SPSB4: variants seen among roughly 807,000 people sequenced by gnomAD.
The protein encoded by SPSB4 is SPRY domain-containing SOCS box protein 4.
SPSB4 carries 21 observed loss-of-function variants against 20.9 expected under a neutral mutation model. The observed-to-expected ratio is 1.01, with a 90% CI of 0.71 to 1.45. The LOEUF is 1.45. SPSB4 is among the 40% of genes most tolerant of loss of function. SPSB4 has a pLI of 0.00. For synonymous variants in SPSB4, 207 were observed against 183.8 expected (o/e 1.13, Z -1.02); for missense variants, 399 against 399.2 (o/e 1.00, Z 0.00).
At chr3:141,071,314 G>A (rs754770687) in intron 2 of SPSB4, among the ~76,000 whole-genome samples, 9 of 152,096 alleles carry the variant, frequency 5.9e-5, no homozygotes, top group Admixed American at 3.3e-4. Context: ...CTCACATCTC[G>A]GAGTTCTTGG....
chr3:141,146,796 T>A (rs1281851584), intron 2 of SPSB4, among the ~76,000 whole-genome samples: 2 of 150,866 alleles, frequency 1.3e-5, no homozygotes, highest in Non-Finnish European at 3.0e-5. Context: ...AAAGACACGC[T>A]GAACACCTAC....
At chr3:141,112,008 G>C (rs970553836) in intron 2 of SPSB4, among the ~76,000 whole-genome samples, 3 of 152,124 alleles carry the variant, frequency 2.0e-5, no homozygotes, top group Non-Finnish European at 2.9e-5. Flanking sequence ...TTTGGCAAAG[G>C]GTTCTGCTGT....
intron 2 of SPSB4, among the ~76,000 whole-genome samples, chr3:141,112,644 CAAAAAAAAAAAAA>C (rs60396514): frequency 7.6e-4 from 25 of 32,884 alleles, no homozygotes; most frequent in African/African-American, 2.5e-3. Context: ...GACTCCGTCT[CAAAAAAAAAAAAA>C]AAAAAAAAAA....
At chr3:141,104,160 C>T (rs1938653473) in intron 2 of SPSB4, among the ~76,000 whole-genome samples, 1 of 152,058 alleles carries the variant, frequency 6.6e-6, no homozygotes. Context: ...CCTGCAGGTC[C>T]CTGCGGGTGC....
chr3:141,125,334 C>T (rs149525482), intron 2 of SPSB4, among the ~76,000 whole-genome samples: 80 of 152,288 alleles, frequency 5.3e-4, no homozygotes, highest in African/African-American at 1.8e-3. Flanking sequence ...TTCACCCATG[C>T]GCTCACCAGC....
At chr3:141,083,418 G>T (rs1292806253) in intron 2 of SPSB4, among the ~76,000 whole-genome samples, 2 of 152,180 alleles carry the variant, frequency 1.3e-5, no homozygotes, top group Non-Finnish European at 2.9e-5. Flanking sequence ...TCCAGCAGAA[G>T]ATATGAGAAA....
chr3:141,124,608 A>G (rs1939022183), intron 2 of SPSB4, among the ~76,000 whole-genome samples: 1 of 152,140 alleles, frequency 6.6e-6, no homozygotes, highest in Admixed American at 6.5e-5. Context: ...AAAGGATGGG[A>G]CAAAGAGATG....
At chr3:141,097,409 TTTTG>T (rs539056524) in intron 2 of SPSB4, among the ~76,000 whole-genome samples, 1 of 152,140 alleles carries the variant, frequency 6.6e-6, no homozygotes, top group Non-Finnish European at 1.5e-5. Context: ...CATATTCTGT[TTTTG>T]TTTGTTTGTT....
Position 141,095,761 on chromosome 3 carries a change from G to A in SPSB4, c.694+28963G>A, listed in dbSNP as rs988336041. Among the ~76,000 whole-genome samples the A allele has an allele frequency of 3.3e-5, 5 of 152,142 alleles. No homozygotes were observed. The Middle Eastern group carries it at 9.6e-3, about 291-fold the overall frequency. Reference sequence around the variant, plus strand: ...GGGTGGAGCTGGCACTGTGGGCAGAGGTACTGTCCCAGGATGAGGGAGGCC... The same window carrying A: ...GGGTGGAGCTGGCACTGTGGGCAGAAGTACTGTCCCAGGATGAGGGAGGCC... On this transcript the variant is annotated intron_variant, in intron 2 of 2. Coordinates refer to ENST00000310546, the MANE Select transcript of SPSB4 (RefSeq NM_080862.3).
At chr3:141,063,248 A>T (rs892610245) in intron 1 of SPSB4, among the ~76,000 whole-genome samples, 13 of 152,160 alleles carry the variant, frequency 8.5e-5, no homozygotes, top group Admixed American at 7.2e-4. Context: ...TTGTTAAATC[A>T]CTTTGCTTTG....
intron 2 of SPSB4, among the ~76,000 whole-genome samples, chr3:141,085,325 A>G (rs944475339): frequency 1.3e-5 from 2 of 152,220 alleles, no homozygotes; most frequent in Non-Finnish European, 2.9e-5. Flanking sequence ...TTTCTCTCTC[A>G]TGGAAGAGAA....
intron 2 of SPSB4, among the ~76,000 whole-genome samples, chr3:141,095,769 C>T (rs1025557519): frequency 6.6e-6 from 1 of 152,080 alleles, no homozygotes; most frequent in African/African-American, 2.4e-5. Context: ...GAGGTACTGT[C>T]CCAGGATGAG....
At chr3:141,086,871 G>A (rs1331835381) in intron 2 of SPSB4, among the ~76,000 whole-genome samples, 1 of 152,180 alleles carries the variant, frequency 6.6e-6, no homozygotes, top group Non-Finnish European at 1.5e-5. Context: ...GGAAACTGAG[G>A]CATAGAGGCT....
chr3:141,064,266 C>T (rs1937821478), intron 1 of SPSB4, among the ~76,000 whole-genome samples: 1 of 152,204 alleles, frequency 6.6e-6, no homozygotes, highest in Non-Finnish European at 1.5e-5. Context: ...TCCTTATAAG[C>T]TGTGTTTCAG....
At chr3:141,083,586 C>T (rs1026873706) in intron 2 of SPSB4, among the ~76,000 whole-genome samples, 4 of 152,088 alleles carry the variant, frequency 2.6e-5, no homozygotes, top group Admixed American at 6.6e-5. Flanking sequence ...CCACATCCCC[C>T]GGCGGGCAAG....
intron 2 of SPSB4, among the ~76,000 whole-genome samples, chr3:141,089,107 A>G (rs910973159): frequency 2.6e-5 from 4 of 152,200 alleles, no homozygotes; most frequent in African/African-American, 9.6e-5. Context: ...GGCAGCGTCA[A>G]TCCTGCTTAG....
chr3:141,088,056 T>A (rs1226413968), intron 2 of SPSB4, among the ~76,000 whole-genome samples: 1 of 152,098 alleles, frequency 6.6e-6, no homozygotes, highest in Non-Finnish European at 1.5e-5. Flanking sequence ...CTCCGCAGTG[T>A]GCTGTGGGGT....
chr3:141,065,896 T>A (rs1036460131), intron 1 of SPSB4, 56 bp from the exon 2 acceptor site: 2 of 512,838 alleles, frequency 3.9e-6, no homozygotes, highest in Middle Eastern at 5.0e-4. Flanking sequence ...AATGAAGGGA[T>A]TGGCAACTGG....
At chr3:141,110,737 C>T (rs1013174639) in intron 2 of SPSB4, among the ~76,000 whole-genome samples, 10 of 152,244 alleles carry the variant, frequency 6.6e-5, no homozygotes, top group Admixed American at 1.3e-4. Flanking sequence ...AAAAGTAACA[C>T]ACATCACTTC....
Sources: allele counts gnomAD v4.1 joint callset (sites outside exome capture counted in the v4.1 genomes callset), GRCh38; gene constraint gnomAD v4.1.1; transcripts MANE v1.5; gene names NCBI Gene and HGNC (gene_info 2026-07-23, HGNC 2026-07-21).